The following ASPG variants were observed in gnomAD, a reference collection of about 807,000 sequenced individuals.
ASPG encodes asparaginase.
Under a neutral mutation model 63.2 loss-of-function variants are expected in ASPG, and 53 were observed. The ratio of observed to expected loss-of-function variants is 0.84; its 90% CI spans 0.67 to 1.05. The LOEUF (loss-of-function observed/expected upper bound fraction) is 1.05, where lower values mean the gene tolerates loss of function less well. ASPG is among the 50% of genes least tolerant of loss of function. ASPG has a pLI of 0.00. For synonymous variants in ASPG, 370 were observed against 355.0 expected, an observed-to-expected ratio of 1.04 and a Z score of -0.48; for missense variants, 741 against 794.4, an observed-to-expected ratio of 0.93 and a Z score of 0.81.
At chr14:104,108,391 C>T (rs892155566) in intron 12 of ASPG, 1 of 985,064 alleles carries the variant, frequency 1.0e-6, no homozygotes, top group Non-Finnish European at 1.2e-6. Context: ...CTCCTCCTGA[C>T]TCACAGGACC....
rs1398198344 is a variant in ASPG, at chr14:104,109,582, G to C, written c.1520+267G>C. Reference sequence around the variant, plus strand: ...TGTGCACATGTGTGCATGTGTGTATGCATGTGTGTGGGTGCATGTGTGTGT... The same window carrying C: ...TGTGCACATGTGTGCATGTGTGTATCCATGTGTGTGGGTGCATGTGTGTGT... On this transcript the variant is annotated intron_variant, in intron 13 of 15. Coordinates refer to ENST00000551177, the MANE Select transcript of ASPG (RefSeq NM_001080464.3). The surrounding 1 kb of genome is among the most constrained non-coding windows in gnomAD (Gnocchi z 4.8). Among the ~76,000 whole-genome samples the C allele has an allele frequency of 6.7e-6, 1 of 149,092 alleles. No homozygotes were observed. The highest frequency in any genetic ancestry group is 1.5e-5 in the Non-Finnish European group (1 of 67,872).
rs1373364177 is a variant in ASPG, at chr14:104,110,337, G to A, written c.1520+1022G>A. 5 of 985,318 alleles carry A rather than the reference G, an allele frequency of 5.1e-6. No homozygotes were observed. Among genetic ancestry groups the A allele is most frequent in the South Asian group, 9.4e-5 (2 of 21,282 alleles). 61.0% of individuals were successfully genotyped at this position (985,318 alleles called of 1,614,324 possible). A position where few individuals can be genotyped will look rare whatever the true frequency, so the allele number is the denominator to read the frequency against. The stretch of plus-strand genomic sequence containing the variant: ...CAGCTCTGGCTTCTCCTCTGGGACC[G>A]GCCCACAACCCCTGGTCTTGCTTTT... On this transcript the variant is annotated intron_variant, in intron 13 of 15. Transcript: ENST00000551177. This position sits in a 1 kb window ranked among gnomAD's most constrained non-coding sequence, Gnocchi z 4.7.
At position 104,110,978 on chromosome 14, in the gene ASPG, T is replaced by C. The variant is rs1213463897; in HGVS notation, c.1521-524T>C. The C allele has an allele frequency of 1.0e-6, 1 of 985,254 alleles. No individual in the cohort carries two copies. The highest frequency in any genetic ancestry group is 1.2e-6 in the Non-Finnish European group (1 of 829,912). The allele number at this position is 985,254 out of a possible 1,614,324, so 61.0% of individuals were successfully genotyped here. A position where few individuals can be genotyped will look rare whatever the true frequency, so the allele number is the denominator to read the frequency against. On this transcript the variant is annotated intron_variant, in intron 13 of 15. Coordinates refer to ENST00000551177, the MANE Select transcript of ASPG (RefSeq NM_001080464.3). This position sits in a 1 kb window ranked among gnomAD's most constrained non-coding sequence, Gnocchi z 4.7. ...GTCTGCCGGGGTCCAGGGCCAACCG[T>C]TATCCTGGGTTGCCTCCTGTGTCCC... is the stretch of plus-strand genomic sequence containing the variant.
chr14:104,112,516 G>A lies in ASPG; in HGVS notation c.1702-8G>A. 1 of 1,457,010 alleles carries A rather than the reference G, an allele frequency of 6.9e-7. No homozygotes were observed. The highest frequency in any genetic ancestry group is 9.6e-7 in the Non-Finnish European group (1 of 1,037,332). 90.3% of individuals were successfully genotyped at this position (1,457,010 alleles called of 1,614,324 possible). A position where few individuals can be genotyped will look rare whatever the true frequency, so the allele number is the denominator to read the frequency against. On this transcript the variant is annotated splice_polypyrimidine_tract_variant and splice_region_variant and intron_variant, in intron 15 of 15. Coordinates refer to ENST00000551177, the MANE Select transcript of ASPG (RefSeq NM_001080464.3). ...GGGTGTCCTTCTCAGGAGCCCTCAT[G>A]TTTTCAGGAAGTGCTGCCTGGTGTC...
chr14:104,108,290 TG>T, intron 12 of ASPG: 1 of 460,388 alleles, frequency 2.2e-6, no homozygotes, highest in Non-Finnish European at 2.9e-6. Context: ...CGAGCAGGGC[TG>T]GGGTGATCCG....
chr14:104,085,783 G>C lies in ASPG; in HGVS notation c.13G>C (p.Val5Leu). MARA[V>L]GPERRLLAVY... is the part of the protein sequence containing the mutation. ...TCCCCGGTCCGGCATGGCGCGCGCG[G>C]TGGGGCCCGAGCGGAGGCTGCTGGC... Residue 5 changes from valine (V) to leucine (L), a missense_variant, in exon 1 of 16, where the codon GTG becomes CTG. Val to Leu is a conservative substitution (Grantham distance 32). Transcript: ENST00000551177. 1.3e-6 allele frequency: 2 copies of C among 1,585,360 alleles called. No homozygotes were observed. Among genetic ancestry groups the C allele is most frequent in the Non-Finnish European group, 8.5e-7 (1 of 1,172,716 alleles).
intron 3 of ASPG, among the ~76,000 whole-genome samples, chr14:104,094,723 G>A (rs1296761554): frequency 6.6e-6 from 1 of 152,194 alleles, no homozygotes; most frequent in African/African-American, 2.4e-5. Flanking sequence ...TGAGGCCCAC[G>A]AAGCTGCCCT....
Position 104,110,063 on chromosome 14 carries a change from C to CTGG in ASPG, c.1520+748_1520+749insTGG, listed in dbSNP as rs2141059360. On this transcript the variant is annotated intron_variant, in intron 13 of 15. Transcript: ENST00000551177. This position sits in a 1 kb window ranked among gnomAD's most constrained non-coding sequence, Gnocchi z 4.7. ...CCATGCCTTGTGCCTGGTGACTTGGCGCTGCCTCCTGTGCCCAGCCTGGGC... is the reference window on the plus strand; with the variant it reads ...CCATGCCTTGTGCCTGGTGACTTGGCTGGGCTGCCTCCTGTGCCCAGCCTGGGC... The CTGG allele has an allele frequency of 1.0e-6, 1 of 985,380 alleles. No individual in the cohort carries two copies. Among genetic ancestry groups the CTGG allele is most frequent in the South Asian group, 4.7e-5 (1 of 21,282 alleles). The allele number at this position is 985,380 out of a possible 1,614,324, so 61.0% of individuals were successfully genotyped here.
intron 7 of ASPG, among the ~76,000 whole-genome samples, 189 bp downstream of exon 7, chr14:104,103,864 T>A (rs1306231936): frequency 2.0e-5 from 3 of 152,312 alleles, no homozygotes; most frequent in African/African-American, 7.2e-5. Context: ...CTTTCCAGCC[T>A]CTCGGGGAGT....
intron 1 of ASPG, among the ~76,000 whole-genome samples, chr14:104,092,163 G>A (rs555768944): frequency 7.2e-5 from 11 of 152,266 alleles, no homozygotes; most frequent in South Asian, 2.1e-4. Flanking sequence ...CATCTGGGAG[G>A]GCTTCCTGGG....
rs963825383 is a variant in ASPG, at chr14:104,091,102, G to A, written c.83-1531G>A. On this transcript the variant is annotated intron_variant, in intron 1 of 15. Coordinates refer to ENST00000551177, the MANE Select transcript of ASPG (RefSeq NM_001080464.3). The surrounding 1 kb of genome is among the most constrained non-coding windows in gnomAD (Gnocchi z 6.4). ...GCTGGTCTTGAATTCCAGACCTCAA[G>A]CAATCTGACACCTCGGCCACCCAAA... is the stretch of plus-strand genomic sequence containing the variant. Among the ~76,000 whole-genome samples, 2 of 151,856 alleles carry A rather than the reference G, an allele frequency of 1.3e-5. No individual in the cohort carries two copies. The highest frequency in any genetic ancestry group is 6.6e-5 in the Admixed American group (1 of 15,238).
In ASPG at chr14:104,110,448, G is replaced by A; in HGVS notation, c.1521-1054G>A. On this transcript the variant is annotated intron_variant, in intron 13 of 15. Transcript: ENST00000551177. The surrounding 1 kb of genome is among the most constrained non-coding windows in gnomAD (Gnocchi z 4.7). Reference sequence around the variant, plus strand: ...ATTGACAGATGGGGAAACTGAGGCAGTAGTCAGGTCCTGTGGGAGCTGGGA... The same window carrying A: ...ATTGACAGATGGGGAAACTGAGGCAATAGTCAGGTCCTGTGGGAGCTGGGA... 1.0e-6 allele frequency: 1 copy of A among 985,348 alleles called. No individual in the cohort carries two copies. 61.0% of individuals were successfully genotyped at this position (985,348 alleles called of 1,614,324 possible).
Position 104,095,575 on chromosome 14 carries a change from C to G in ASPG, c.348C>G (p.Thr116=), listed in dbSNP as rs757088656. Residue 116 remains threonine (T), a synonymous_variant, in exon 4 of 16, where the codon ACC becomes ACG. Coordinates refer to ENST00000551177, the MANE Select transcript of ASPG (RefSeq NM_001080464.3). Reference sequence around the variant, plus strand: ...ACGGCTTTGTGGTCATCCACGGCACCGACACCATGGCCTTTGCTGCCTCGA... The same window carrying G: ...ACGGCTTTGTGGTCATCCACGGCACGGACACCATGGCCTTTGCTGCCTCGA... ...QYHGFVVIHG[T]DTMAFAASML... The G allele has an allele frequency of 1.4e-5, 22 of 1,613,260 alleles. No homozygotes were observed. The highest frequency in any genetic ancestry group is 1.6e-5 in the Non-Finnish European group (19 of 1,179,830).
In ASPG at chr14:104,105,397, G is replaced by A; in HGVS notation, c.1120G>A (p.Gly374Ser). 3.7e-6 allele frequency: 6 copies of A among 1,612,284 alleles called. No homozygotes were observed. The highest frequency in any genetic ancestry group is 5.1e-6 in the Non-Finnish European group (6 of 1,179,630). Residue 374 changes from glycine to serine, a missense_variant, in exon 10 of 16, where the codon GGC becomes AGC. By Grantham distance (56) the Gly-to-Ser change is moderately conservative. Coordinates refer to ENST00000551177, the MANE Select transcript of ASPG (RefSeq NM_001080464.3). ...SVEERRPSLQ[G>S]NTLGGGVSWL... Reference sequence around the variant, plus strand: ...GGAAGAGCGCCGGCCCTCACTGCAGGGCAACACGCTGGGCGGTGGGGTCTC... The same window carrying A: ...GGAAGAGCGCCGGCCCTCACTGCAGAGCAACACGCTGGGCGGTGGGGTCTC...
intron 2 of ASPG, 162 bp from the exon 3 acceptor site, chr14:104,093,329 G>A (rs1258242401): frequency 4.3e-6 from 3 of 702,042 alleles, no homozygotes; most frequent in Middle Eastern, 2.3e-4. Context: ...AAGGGGGGCC[G>A]GGCCCCGTAC....
chr14:104,107,076 A>C, intron 11 of ASPG, 106 bp from the exon 12 acceptor site: 1 of 1,420,104 alleles, frequency 7.0e-7, no homozygotes, highest in Non-Finnish European at 9.5e-7. Context: ...GGGTGGGCGC[A>C]GGGGCTGTGC....
Position 104,104,464 on chromosome 14 carries a change from CCA to C in ASPG, c.917_918del (p.Thr306ArgfsTer107). The stretch of plus-strand genomic sequence containing the variant: ...ACCCACTGCCTCCAGGGGGCTGTGA[CCA>C]CAGACTATGCAGCTGGCATGGTAGT... On this transcript the variant is annotated frameshift_variant, in exon 8 of 16. Transcript: ENST00000551177. LOFTEE classifies it high-confidence loss of function. 2 of 1,612,428 alleles carry C rather than the reference CCA, an allele frequency of 1.2e-6. No individual in the cohort carries two copies.
Position 104,095,616 on chromosome 14 carries a change from T to C in ASPG, c.389T>C (p.Leu130Pro). ...AFAASMLSFMLENLQKTVILT... is the reference protein window; with the variant it reads ...AFAASMLSFMPENLQKTVILT... The stretch of plus-strand genomic sequence containing the variant: ...GCTGCCTCGATGCTGTCCTTCATGC[T>C]GGAGAACCTGCAGAAGACTGTCATC... Residue 130 changes from leucine to proline, a missense_variant, in exon 4 of 16, where the codon CTG becomes CCG. Coordinates refer to ENST00000551177, the MANE Select transcript of ASPG (RefSeq NM_001080464.3). 1 of 1,613,080 alleles carries C rather than the reference T, an allele frequency of 6.2e-7. No individual in the cohort carries two copies. Among genetic ancestry groups the C allele is most frequent in the Non-Finnish European group, 8.5e-7 (1 of 1,179,806 alleles).
rs200320616 is a variant in ASPG, at chr14:104,093,572, T to C, written c.273T>C (p.Ala91=). The C allele has an allele frequency of 2.5e-6, 4 of 1,610,746 alleles. No homozygotes were observed. Among genetic ancestry groups the C allele is most frequent in the East Asian group, 2.2e-5 (1 of 44,806 alleles). ...TCGACTCCAGTGACATGACCATCGCTGAGTGGGTTTGCCTTGCCCAGACCA... is the reference window on the plus strand; with the variant it reads ...TCGACTCCAGTGACATGACCATCGCCGAGTGGGTTTGCCTTGCCCAGACCA... ...PLFDSSDMTI[A]EWVCLAQTIK... Residue 91 remains alanine (A), a synonymous_variant, in exon 3 of 16, where the codon GCT becomes GCC. Coordinates refer to ENST00000551177, the MANE Select transcript of ASPG (RefSeq NM_001080464.3).
Sources: gnomAD v4.1 joint callset for allele counts (sites outside exome capture counted in the v4.1 genomes callset) on GRCh38, gnomAD v4.1.1 for gene constraint, Gnocchi (gnomAD v3.1) non-coding constraint, MANE v1.5 for transcripts, NCBI Gene and HGNC (gene_info 2026-07-23, HGNC 2026-07-21) for gene names.